MYO1D: variants seen among roughly 807,000 people sequenced by gnomAD.
The protein encoded by MYO1D is myosin ID.
MYO1D carries 83 observed loss-of-function variants against 122.0 expected under a neutral mutation model. The ratio of observed to expected loss-of-function variants is 0.68; its 90% confidence interval spans 0.57 to 0.82. The LOEUF (loss-of-function observed/expected upper bound fraction) is 0.82, where lower values mean the gene tolerates loss of function less well. MYO1D is among the 40% of genes least tolerant of loss of function. The pLI is 0.00. For synonymous variants in MYO1D, 464 were observed against 446.9 expected (o/e 1.04, Z -0.48); for missense variants, 1,157 against 1,269.5 (o/e 0.91, Z 1.35).
At chr17:32,774,692 G>A (rs942652903) in intron 4 of MYO1D, among the ~76,000 whole-genome samples, 45 of 152,166 alleles carry the variant, frequency 3.0e-4, no homozygotes, top group African/African-American at 1.1e-3. Context: ...GTGAACTGAT[G>A]AAACATTCTG....
At chr17:32,749,415 TCTA>T (rs1288959976) in intron 11 of MYO1D, among the ~76,000 whole-genome samples, 5 of 152,180 alleles carry the variant, frequency 3.3e-5, no homozygotes, top group African/African-American at 1.2e-4. Context: ...GACACAGACT[TCTA>T]CTATCTTATG....
intron 21 of MYO1D, among the ~76,000 whole-genome samples, chr17:32,592,260 AC>A (rs1157701210): frequency 6.6e-6 from 1 of 152,138 alleles, no homozygotes; most frequent in African/African-American, 2.4e-5. Context: ...CCAGTGCTTC[AC>A]CTTTTTAACC....
intron 21 of MYO1D, among the ~76,000 whole-genome samples, chr17:32,514,911 A>C (rs1279674803): frequency 1.3e-5 from 2 of 152,210 alleles, no homozygotes; most frequent in African/African-American, 4.8e-5. Context: ...GTTTGGAATC[A>C]ATAGTTTAGG....
intron 16 of MYO1D, among the ~76,000 whole-genome samples, chr17:32,683,808 A>G (rs982058337): frequency 9.2e-5 from 14 of 152,242 alleles, no homozygotes; most frequent in Non-Finnish European, 1.5e-4. Context: ...TTGTTTACCT[A>G]AGCAAGCCTG....
At chr17:32,507,703 A>G (rs1043842119) in intron 21 of MYO1D, among the ~76,000 whole-genome samples, 1 of 152,202 alleles carries the variant, frequency 6.6e-6, no homozygotes, top group Non-Finnish European at 1.5e-5. Context: ...ACACCACAGT[A>G]TTGTGAGATC....
rs1030392282 is a variant in MYO1D at position 32,617,877 on chromosome 17, CA to C, written c.2710-12637del. On this transcript the variant is annotated intron_variant, in intron 20 of 21. Coordinates refer to ENST00000318217, the MANE Select transcript of MYO1D (RefSeq NM_015194.3). ...TCCTTTATAAACAGACAGTCACTTT[CA>C]AAAATTTTTTGTTATTATTTTAACA... Among the ~76,000 whole-genome samples, 152 of 152,238 alleles carry C rather than the reference CA, an allele frequency of 1.0e-3. 2 individuals carry two copies. The highest frequency in any genetic ancestry group is 3.1e-3 in the African/African-American group (128 of 41,558).
intron 21 of MYO1D, among the ~76,000 whole-genome samples, chr17:32,552,419 C>CCCATCCATCCATCCAT (rs60290556): frequency 1.4e-5 from 2 of 143,500 alleles, no homozygotes; most frequent in Non-Finnish European, 3.1e-5. Context: ...CATCCATCCA[C>CCCATCCATCCATCCAT]CCATCCATCC....
intron 19 of MYO1D, among the ~76,000 whole-genome samples, chr17:32,645,875 G>C (rs144606056): frequency 1.3e-5 from 2 of 152,268 alleles, no homozygotes; most frequent in African/African-American, 4.8e-5. Flanking sequence ...GGAGAAGTTT[G>C]ATCATCTGAA....
At chr17:32,674,338 T>C (rs115111886) in intron 16 of MYO1D, among the ~76,000 whole-genome samples, 2,150 of 152,308 alleles carry the variant, frequency 0.014, 53 homozygotes, top group African/African-American at 0.049. Context: ...CAGCTACTGA[T>C]AATGAGTAAA....
Position 32,772,788 on chromosome 17 carries a change from C to T in MYO1D, c.618+1G>A. 6.2e-7 allele frequency: 1 copy of T among 1,606,632 alleles called. No homozygotes were observed. On this transcript the variant is annotated splice_donor_variant, in intron 5 of 21. Transcript: ENST00000318217. LOFTEE classifies it high-confidence loss of function. ...AATTATCTGTATAATGGATTACTAA[C>T]CTGATAGAAAGAATGAAAGCTTCTT... is the stretch of plus-strand genomic sequence containing the variant.
chr17:32,872,566 G>A (rs868510637), intron 1 of MYO1D, among the ~76,000 whole-genome samples: 4 of 151,418 alleles, frequency 2.6e-5, no homozygotes, highest in African/African-American at 7.3e-5. Context: ...GAGCCACCGC[G>A]CCCGGCCGCA....
intron 21 of MYO1D, among the ~76,000 whole-genome samples, chr17:32,503,577 G>A (rs1251283046): frequency 6.6e-6 from 1 of 152,206 alleles, no homozygotes; most frequent in East Asian, 1.9e-4. Flanking sequence ...TGAGGCTAAT[G>A]CAATGTTCTC....
intron 16 of MYO1D, chr17:32,659,541 T>A: frequency 1.7e-6 from 1 of 590,680 alleles, no homozygotes; most frequent in Non-Finnish European, 3.0e-6. Context: ...TTGTTTCAGC[T>A]GTCTAGCTGC....
At chr17:32,736,745 A>T (rs1025665662) in intron 14 of MYO1D, among the ~76,000 whole-genome samples, 18 of 152,242 alleles carry the variant, frequency 1.2e-4, no homozygotes, top group African/African-American at 4.3e-4. Flanking sequence ...AACTGTAGTT[A>T]ACTGAATATT....
At chr17:32,550,911 G>A (rs35156140) in intron 21 of MYO1D, among the ~76,000 whole-genome samples, 367 of 152,178 alleles carry the variant, frequency 2.4e-3, no homozygotes, top group Non-Finnish European at 4.4e-3. Flanking sequence ...GAAGGTTGAG[G>A]TTACAGGGAG....
intron 21 of MYO1D, chr17:32,498,772 A>G (rs941166987): frequency 6.6e-6 from 1 of 152,220 alleles, no homozygotes; most frequent in African/African-American, 2.4e-5. Context: ...CAAGAGAGCT[A>G]TATTATTGAA....
At chr17:32,550,870 G>A (rs1427537054) in intron 21 of MYO1D, among the ~76,000 whole-genome samples, 2 of 152,062 alleles carry the variant, frequency 1.3e-5, no homozygotes, top group African/African-American at 2.4e-5. Flanking sequence ...AGCTACTTGG[G>A]TGGCTGAGGT....
chr17:32,645,376 G>T (rs1315840535), intron 19 of MYO1D, among the ~76,000 whole-genome samples: 2 of 152,076 alleles, frequency 1.3e-5, no homozygotes, highest in Non-Finnish European at 2.9e-5. Context: ...TGACAATTAT[G>T]TGTCTTGGAG....
At chr17:32,696,895 T>C (rs1292125698) in intron 16 of MYO1D, among the ~76,000 whole-genome samples, 1 of 152,252 alleles carries the variant, frequency 6.6e-6, no homozygotes, top group Non-Finnish European at 1.5e-5. Flanking sequence ...TAACCCACTA[T>C]AATGTCAAGT....
Sources: gnomAD v4.1 joint callset for allele counts (sites outside exome capture counted in the v4.1 genomes callset) on GRCh38, gnomAD v4.1.1 for gene constraint, MANE v1.5 for transcripts, NCBI Gene and HGNC (gene_info 2026-07-23, HGNC 2026-07-21) for gene names.